The following LRP1B variants were observed in gnomAD, a reference collection of about 807,000 sequenced individuals.
LRP1B encodes LDL receptor related protein 1B, also known as low-density lipoprotein receptor-related protein 1B.
A neutral mutation model predicts 556.6 loss-of-function variants in LRP1B; 217 were observed. That is an observed-to-expected ratio of 0.39 (90% confidence interval 0.35 to 0.44). The LOEUF (loss-of-function observed/expected upper bound fraction) is 0.44. Among genes scored for constraint, LRP1B ranks in the 20% least tolerant of loss-of-function variants. The pLI, the probability that LRP1B is intolerant of heterozygous loss-of-function variation, is 1.00. For synonymous variants in LRP1B, 2,047 were observed against 1,865.8 expected (o/e 1.10, Z -2.50); for missense variants, 5,053 against 5,620.8 (o/e 0.90, Z 3.23).
intron 18 of LRP1B, among the ~76,000 whole-genome samples, chr2:140,972,574 A>T (rs572896068): frequency 7.5e-6 from 1 of 133,730 alleles, no homozygotes; most frequent in African/African-American, 2.7e-5. Flanking sequence ...TAATTGTGGA[A>T]TTAATGGGAG....
chr2:141,437,214 CT>C (rs1464442061), intron 3 of LRP1B, among the ~76,000 whole-genome samples: 1 of 152,036 alleles, frequency 6.6e-6, no homozygotes, highest in Non-Finnish European at 1.5e-5. Context: ...TATTCCTGTT[CT>C]TTCCCCTTCT....
chr2:141,507,540 C>T (rs78242237), intron 2 of LRP1B, among the ~76,000 whole-genome samples: 1,609 of 152,122 alleles, frequency 0.011, 18 homozygotes, highest in Non-Finnish European at 0.014. Context: ...TATGCAGTCA[C>T]GCAGTAAAGC....
intron 7 of LRP1B, among the ~76,000 whole-genome samples, chr2:141,088,096 T>G (rs1367273929): frequency 6.6e-6 from 1 of 152,176 alleles, no homozygotes; most frequent in African/African-American, 2.4e-5. Flanking sequence ...TCTTTTTTTT[T>G]GAACATGTTT....
At chr2:141,372,727 C>A (rs1689276293) in intron 3 of LRP1B, among the ~76,000 whole-genome samples, 1 of 152,070 alleles carries the variant, frequency 6.6e-6, no homozygotes, top group Admixed American at 6.5e-5. Context: ...GTTGTAATAT[C>A]TCCTTTTTCA....
At chr2:140,318,939 GTAGTAATAT>G (rs1006493291) in intron 82 of LRP1B, among the ~76,000 whole-genome samples, 1 of 152,028 alleles carries the variant, frequency 6.6e-6, no homozygotes, top group African/African-American at 2.4e-5. Context: ...AATGTCAGTG[GTAGTAATAT>G]TAGTAGTATT....
At chr2:140,772,552 C>A (rs1689350625) in intron 33 of LRP1B, among the ~76,000 whole-genome samples, 1 of 152,090 alleles carries the variant, frequency 6.6e-6, no homozygotes, top group African/African-American at 2.4e-5. Context: ...TCCAGTGATC[C>A]ATCCACCTCG....
chr2:141,179,786 G>A, intron 7 of LRP1B, among the ~76,000 whole-genome samples: 1 of 151,698 alleles, frequency 6.6e-6, no homozygotes, highest in African/African-American at 2.4e-5. Context: ...ACCACTAAGA[G>A]TCTGGGGCTC....
At chr2:141,497,658 T>C (rs1158741405) in intron 2 of LRP1B, among the ~76,000 whole-genome samples, 1 of 151,930 alleles carries the variant, frequency 6.6e-6, no homozygotes, top group African/African-American at 2.4e-5. Flanking sequence ...TTCCCTACGA[T>C]TGAAAAGCTA....
intron 56 of LRP1B, among the ~76,000 whole-genome samples, chr2:140,493,014 A>C (rs1281025840): frequency 6.6e-6 from 1 of 152,192 alleles, no homozygotes; most frequent in Non-Finnish European, 1.5e-5. Context: ...AATTGCAGAA[A>C]AAGATAATCT....
At chr2:141,820,640 A>G (rs1230379605) in intron 1 of LRP1B, among the ~76,000 whole-genome samples, 2 of 152,352 alleles carry the variant, frequency 1.3e-5, no homozygotes, top group African/African-American at 4.8e-5. Flanking sequence ...CTGAGACAGT[A>G]GTAATAATTA....
intron 17 of LRP1B, among the ~76,000 whole-genome samples, chr2:140,989,229 T>A (rs1697016835): frequency 6.6e-6 from 1 of 152,018 alleles, no homozygotes; most frequent in Non-Finnish European, 1.5e-5. Context: ...CTAGCAAACA[T>A]CAACCTCCAC....
At chr2:140,767,017 A>G (rs1018666429) in intron 35 of LRP1B, among the ~76,000 whole-genome samples, 1 of 151,694 alleles carries the variant, frequency 6.6e-6, no homozygotes, top group African/African-American at 2.4e-5. Context: ...AAAAAGGGAA[A>G]CAGAGCCTCA....
At chr2:140,494,491 G>A (rs763199525) in intron 56 of LRP1B, among the ~76,000 whole-genome samples, 7 of 151,712 alleles carry the variant, frequency 4.6e-5, no homozygotes, top group Non-Finnish European at 8.8e-5. Flanking sequence ...TGTAGTCTCA[G>A]CTACTTGGGA....
intron 1 of LRP1B, among the ~76,000 whole-genome samples, chr2:141,893,915 C>G (rs1476096655): frequency 6.6e-6 from 1 of 152,004 alleles, no homozygotes; most frequent in Admixed American, 6.6e-5. Context: ...GTTTCTTCCT[C>G]TTTTTTCTTT....
chr2:140,625,253 T>C (rs1031965158), intron 41 of LRP1B, among the ~76,000 whole-genome samples: 3 of 152,168 alleles, frequency 2.0e-5, no homozygotes, highest in Non-Finnish European at 4.4e-5. Flanking sequence ...TAGTGATAAA[T>C]GATCATAAAT....
intron 20 of LRP1B, among the ~76,000 whole-genome samples, chr2:140,947,792 T>C (rs1695586905): frequency 6.6e-6 from 1 of 152,214 alleles, no homozygotes; most frequent in South Asian, 2.1e-4. Context: ...TAGTAAAATG[T>C]ATAATCTGAT....
intron 41 of LRP1B, among the ~76,000 whole-genome samples, chr2:140,674,698 G>A (rs535659906): frequency 1.3e-5 from 2 of 152,280 alleles, no homozygotes; most frequent in African/African-American, 4.8e-5. Context: ...CCTTGGGCAC[G>A]TGTTCTCAGG....
At chr2:141,918,087 A>G (rs760285461) in intron 1 of LRP1B, among the ~76,000 whole-genome samples, 1 of 152,078 alleles carries the variant, frequency 6.6e-6, no homozygotes, top group Non-Finnish European at 1.5e-5. Context: ...GTATGATTCC[A>G]TTTTTATTTT....
intron 2 of LRP1B, among the ~76,000 whole-genome samples, chr2:141,529,303 C>T (rs577644664): frequency 4.4e-4 from 67 of 152,208 alleles, no homozygotes; most frequent in African/African-American, 1.5e-3. Context: ...AGTTAGCTGA[C>T]GTGTATATTT....
Sources: gnomAD v4.1 joint callset for allele counts (sites outside exome capture counted in the v4.1 genomes callset) on GRCh38, gnomAD v4.1.1 for gene constraint, MANE v1.5 for transcripts, NCBI Gene and HGNC (gene_info 2026-07-23, HGNC 2026-07-21) for gene names.